UBE2U: variants seen among roughly 807,000 people sequenced by gnomAD.
The protein encoded by UBE2U is ubiquitin conjugating enzyme E2 U, also known as ubiquitin-conjugating enzyme E2 U.
A neutral mutation model predicts 41.2 loss-of-function variants in UBE2U; 39 were observed. The ratio of observed to expected loss-of-function variants is 0.95; its 90% CI spans 0.73 to 1.24. The LOEUF (loss-of-function observed/expected upper bound fraction) is 1.24. Ranked by LOEUF, UBE2U falls within the 50% of genes most tolerant of loss-of-function variation. The pLI, the probability that UBE2U is intolerant of heterozygous loss-of-function variation, is 0.00. For synonymous variants in UBE2U, 107 were observed against 117.8 expected (o/e 0.91, Z 0.60); for missense variants, 336 against 363.1 (o/e 0.93, Z 0.61).
At chr1:64,215,123 C>T (rs953117335) in intron 5 of UBE2U, among the ~76,000 whole-genome samples, 191 bp downstream of exon 5, 1 of 152,058 alleles carries the variant, frequency 6.6e-6, no homozygotes, top group East Asian at 1.9e-4. Context: ...CCCACCTACT[C>T]GGGAGCCTGA....
At chr1:64,208,678 A>C (rs1348167082) in intron 3 of UBE2U, among the ~76,000 whole-genome samples, 1 of 150,394 alleles carries the variant, frequency 6.6e-6, no homozygotes, top group Admixed American at 6.6e-5. Context: ...TGTTAGAAAT[A>C]GGAAAAATGG....
intron 6 of UBE2U, among the ~76,000 whole-genome samples, chr1:64,225,426 G>A (rs1652801101): frequency 6.6e-6 from 1 of 152,200 alleles, no homozygotes; most frequent in Non-Finnish European, 1.5e-5. Context: ...TATAAACCGT[G>A]TAAGGAATTT....
rs376390845 is a variant in UBE2U at position 64,205,648 on chromosome 1, G to A, written c.76G>A (p.Ala26Thr). ...TGTTTTTAACTTCAAGGGTATCACT[G>A]CTAAGCCTGTAAGTGAAGATATGAT... ...LKENNYKGIT[A>T]KPVSEDMMEW... Residue 26 changes from alanine (A) to threonine (T), a missense_variant, in exon 2 of 10, where the codon GCT becomes ACT. By Grantham distance (58) the Ala-to-Thr change is moderately conservative. Transcript: ENST00000371077. The A allele has an allele frequency of 6.2e-6, 10 of 1,612,284 alleles. No individual in the cohort carries two copies. The highest frequency in any genetic ancestry group is 1.7e-5 in the Admixed American group (1 of 59,838).
chr1:64,242,335 T>C (rs972454035), intron 8 of UBE2U, among the ~76,000 whole-genome samples: 1 of 152,164 alleles, frequency 6.6e-6, no homozygotes, highest in African/African-American at 2.4e-5. Context: ...ACAACAAAGA[T>C]GCCATTTCAG....
In UBE2U at chr1:64,239,157, A is replaced by AAGGAGAAGAAGAAGGAGAAGAAGAAGAAG; in HGVS notation, c.596-2494_596-2493insGGAGAAGAAGAAGGAGAAGAAGAAGAAGA. On this transcript the variant is annotated intron_variant, in intron 7 of 9. Coordinates refer to ENST00000371077, the MANE Select transcript of UBE2U (RefSeq NM_001366232.2). ...GAAGAAGAAGAAGAAGAAGAAGAAG[A>AAGGAGAAGAAGAAGGAGAAGAAGAAGAAG]AAGAAGAAGAAGAAGAAGAAGAAGA... 1.9e-4 allele frequency among the ~76,000 whole-genome samples: 7 copies of AAGGAGAAGAAGAAGGAGAAGAAGAAGAAG among 37,064 alleles called. 2 individuals carry two copies. The highest frequency in any genetic ancestry group is 5.9e-4 in the African/African-American group (7 of 11,812). 24.3% of individuals were successfully genotyped at this position (37,064 alleles called of 152,430 possible).
chr1:64,264,986 T>C (rs1645234590), intron 9 of UBE2U, among the ~76,000 whole-genome samples: 1 of 151,652 alleles, frequency 6.6e-6, no homozygotes, highest in Admixed American at 6.6e-5. Flanking sequence ...ATAAAAGAAA[T>C]GGCATGTGAC....
intron 7 of UBE2U, among the ~76,000 whole-genome samples, chr1:64,239,119 A>AGAGGAAGAGGAAGAGGAAGAGGAAGAG (rs1644749579): frequency 1.3e-4 from 3 of 23,048 alleles, no homozygotes; most frequent in African/African-American, 1.9e-4. Flanking sequence ...AAGAAGAAGA[A>AGAGGAAGAGGAAGAGGAAGAGGAAGAG]GAAGAAGAAG....
chr1:64,206,788 A>AT lies in UBE2U; in HGVS notation c.177dup (p.Thr60TyrfsTer38). ...GGTTTAGTCTTCCAACTGACAATACATTTTACATCGGAGTACAACTATGCT... is the reference window on the plus strand; with the variant it reads ...GGTTTAGTCTTCCAACTGACAATACATTTTTACATCGGAGTACAACTATGCT... On this transcript the variant is annotated frameshift_variant, in exon 3 of 10. Transcript: ENST00000371077. LOFTEE classifies it high-confidence loss of function. 1 of 1,601,140 alleles carries AT rather than the reference A, an allele frequency of 6.2e-7. No homozygotes were observed.
At chr1:64,205,538 T>A (rs1389080370) in intron 1 of UBE2U, 101 bp from the exon 2 acceptor site, 2 of 920,612 alleles carry the variant, frequency 2.2e-6, no homozygotes, top group Non-Finnish European at 3.3e-6. Flanking sequence ...GAAAGAAAAT[T>A]TAGAGTTTTT....
intron 8 of UBE2U, among the ~76,000 whole-genome samples, chr1:64,248,973 A>G (rs916233097): frequency 6.6e-6 from 1 of 152,204 alleles, no homozygotes; most frequent in African/African-American, 2.4e-5. Flanking sequence ...GATTTTCACA[A>G]AAAACTGAAC....
Position 64,203,782 on chromosome 1 carries a change from T to C in UBE2U, c.-269T>C, listed in dbSNP as rs1651118098. On this transcript the variant is annotated 5_prime_UTR_variant, in exon 1 of 10. Transcript: ENST00000371077. ...ATCCAAGTTTGTCTTGAGACTGGGC[T>C]GTGAGCCGGCACTGCAGTGAAACGC... 8.4e-6 allele frequency: 3 copies of C among 357,648 alleles called. No individual in the cohort carries two copies. Among genetic ancestry groups the C allele is most frequent in the Non-Finnish European group, 1.5e-5 (3 of 198,144 alleles). The allele number at this position is 357,648 out of a possible 1,614,324, so 22.2% of individuals were successfully genotyped here.
In UBE2U at chr1:64,203,863, A is replaced by C. The variant is rs1432114160; in HGVS notation, c.-188A>C. ...CGGGAAGTTCTCGTTTAGAGGAGTC[A>C]GGAGAAAAAGTCATTGTTATATCCC... On this transcript the variant is annotated 5_prime_UTR_variant, in exon 1 of 10. Transcript: ENST00000371077. 2.3e-6 allele frequency: 1 copy of C among 443,850 alleles called. No individual in the cohort carries two copies. Among genetic ancestry groups the C allele is most frequent in the Non-Finnish European group, 4.0e-6 (1 of 248,094 alleles). The allele number at this position is 443,850 out of a possible 1,614,324, so 27.5% of individuals were successfully genotyped here.
chr1:64,238,829 C>A (rs1164851157), intron 7 of UBE2U, among the ~76,000 whole-genome samples: 9 of 151,780 alleles, frequency 5.9e-5, no homozygotes, highest in Admixed American at 2.0e-4. Context: ...ATTTCTTGAG[C>A]CCAGGAATTT....
chr1:64,206,625 G>C, intron 2 of UBE2U, 139 bp from the exon 3 acceptor site: 1 of 581,090 alleles, frequency 1.7e-6, no homozygotes, highest in Non-Finnish European at 3.1e-6. Flanking sequence ...CAGAGGAGTC[G>C]GTGCACTCTA....
chr1:64,220,241 GGAGAGAGAGA>G (rs3074174), intron 5 of UBE2U, among the ~76,000 whole-genome samples: 2 of 149,106 alleles, frequency 1.3e-5, no homozygotes, highest in African/African-American at 4.9e-5. Flanking sequence ...CCAGGCTTGT[GGAGAGAGAGA>G]GAGAGAGAGA....
chr1:64,256,285 G>C (rs1251608895), intron 8 of UBE2U, among the ~76,000 whole-genome samples: 1 of 151,902 alleles, frequency 6.6e-6, no homozygotes, highest in African/African-American at 2.4e-5. Context: ...AATATGTATG[G>C]ACCAAAAAAG....
At chr1:64,239,185 A>G (rs530108333) in intron 7 of UBE2U, among the ~76,000 whole-genome samples, 69 of 145,664 alleles carry the variant, frequency 4.7e-4, no homozygotes, top group Non-Finnish European at 7.7e-4. Context: ...GAAGAAGAAG[A>G]AGAAGAAAGC....
intron 1 of UBE2U, among the ~76,000 whole-genome samples, chr1:64,204,402 G>C (rs758646181): frequency 2.0e-5 from 3 of 152,136 alleles, no homozygotes; most frequent in Non-Finnish European, 4.4e-5. Context: ...TGACTAGTAG[G>C]TGCAGGCTTA....
intron 8 of UBE2U, among the ~76,000 whole-genome samples, chr1:64,260,366 A>G (rs114227372): frequency 0.021 from 3,215 of 152,334 alleles, 59 homozygotes; most frequent in Non-Finnish European, 0.032. Flanking sequence ...TTACTATGAC[A>G]TAAGTAGTAA....
Sources: gnomAD v4.1 joint callset for allele counts (sites outside exome capture counted in the v4.1 genomes callset) on GRCh38, gnomAD v4.1.1 for gene constraint, MANE v1.5 for transcripts, NCBI Gene and HGNC (gene_info 2026-07-23, HGNC 2026-07-21) for gene names.